The following MAST4 variants were observed in gnomAD, a reference collection of about 807,000 sequenced individuals.
MAST4 encodes the protein microtubule associated serine/threonine kinase family member 4, also known as microtubule-associated serine/threonine-protein kinase 4.
Under a neutral mutation model 162.7 loss-of-function variants are expected in MAST4, and 89 were observed. The observed-to-expected ratio is 0.55, with a 90% CI of 0.46 to 0.65. The LOEUF is 0.65. Ranked by LOEUF, MAST4 falls within the 30% of genes least tolerant of loss-of-function variation. MAST4 has a pLI of 0.00. For synonymous variants in MAST4, 1,479 were observed against 1,361.1 expected (o/e 1.09, Z -1.91); for missense variants, 3,153 against 3,374.0 (o/e 0.93, Z 1.62).
chr5:66,935,098 T>C (rs930980699), intron 4 of MAST4, among the ~76,000 whole-genome samples: 3 of 152,154 alleles, frequency 2.0e-5, no homozygotes, highest in African/African-American at 7.2e-5. Flanking sequence ...AGAGAGTGTA[T>C]CAAAAATGCT....
chr5:66,622,272 G>A (rs1252021962), intron 1 of MAST4, among the ~76,000 whole-genome samples: 3 of 152,166 alleles, frequency 2.0e-5, no homozygotes, highest in Admixed American at 6.5e-5. Flanking sequence ...CAAAGGCCCT[G>A]AGATGGAACA....
chr5:67,055,069 C>T (rs1198105154), intron 5 of MAST4, among the ~76,000 whole-genome samples: 1 of 150,794 alleles, frequency 6.6e-6, no homozygotes, highest in African/African-American at 2.4e-5. Flanking sequence ...AGGGTTAATT[C>T]CAATAAAGAA....
At chr5:66,613,299 T>G (rs1743418043) in intron 1 of MAST4, among the ~76,000 whole-genome samples, 1 of 150,670 alleles carries the variant, frequency 6.6e-6, no homozygotes, top group South Asian at 2.1e-4. Context: ...AAAGTATGTT[T>G]GATAAGAATT....
rs1362994321 is a variant in MAST4, at chr5:67,090,211, C to G, written c.813C>G (p.Ala271=). The G allele has an allele frequency of 6.2e-7, 1 of 1,612,882 alleles. No homozygotes were observed. The highest frequency in any genetic ancestry group is 2.2e-5 in the East Asian group (1 of 44,824). Residue 271 remains alanine, a synonymous_variant, in exon 6 of 29, where the codon GCC becomes GCG. Transcript: ENST00000403625. ...GAAATTTCTCCCCCAGTGCCTCAGC[C>G]CATTTTTCATTTGCACGGAGGTAAG... ...SPRNFSPSAS[A]HFSFARRTDG... is the part of the protein sequence containing the mutation.
chr5:66,708,793 A>G (rs955426631), intron 1 of MAST4, among the ~76,000 whole-genome samples: 3 of 152,174 alleles, frequency 2.0e-5, no homozygotes, highest in African/African-American at 7.2e-5. Flanking sequence ...TTTTCCATGC[A>G]TTACCTTTGA....
At chr5:66,971,004 G>C (rs1747363427) in intron 4 of MAST4, among the ~76,000 whole-genome samples, 1 of 152,162 alleles carries the variant, frequency 6.6e-6, no homozygotes, top group Non-Finnish European at 1.5e-5. Context: ...CCAATGTCTA[G>C]AAAGTGACCT....
intron 1 of MAST4, among the ~76,000 whole-genome samples, chr5:66,627,723 TAAAAA>T (rs11292285): frequency 6.8e-6 from 1 of 148,072 alleles, no homozygotes; most frequent in Non-Finnish European, 1.5e-5. Flanking sequence ...GTTTATCTGT[TAAAAA>T]AAAAAAGCTG....
At chr5:66,984,210 TGAA>T (rs1477681056) in intron 4 of MAST4, among the ~76,000 whole-genome samples, 1 of 152,142 alleles carries the variant, frequency 6.6e-6, no homozygotes, top group Non-Finnish European at 1.5e-5. Flanking sequence ...TCTTTCTTCC[TGAA>T]GGAGTGGCAT....
At chr5:67,030,821 A>T (rs182389287) in intron 4 of MAST4, among the ~76,000 whole-genome samples, 8 of 152,216 alleles carry the variant, frequency 5.3e-5, no homozygotes, top group Non-Finnish European at 1.0e-4. Context: ...CTCAAACGCT[A>T]TGTTTTTATT....
chr5:66,607,286 G>A (rs911903750), intron 1 of MAST4, among the ~76,000 whole-genome samples: 1 of 152,136 alleles, frequency 6.6e-6, no homozygotes, highest in Non-Finnish European at 1.5e-5. Context: ...TAGATTAAGC[G>A]TCTGTAGAAC....
rs1470044972 is a variant in MAST4, at chr5:67,166,119, G to A, written c.6940G>A (p.Glu2314Lys). 3.1e-6 allele frequency: 5 copies of A among 1,606,086 alleles called. No homozygotes were observed. The highest frequency in any genetic ancestry group is 1.7e-5 in the Admixed American group (1 of 58,670). The change falls in exon 29 of 29, where the codon GAG becomes AAG. Residue 2314 changes from glutamate (E) to lysine (K), a missense_variant. By Grantham distance (56) the Glu-to-Lys change is moderately conservative. Coordinates refer to ENST00000403625, the MANE Select transcript of MAST4 (RefSeq NM_001164664.2). ...LPRPGHPGPSEPADQKLSAVG... is the reference protein window; with the variant it reads ...LPRPGHPGPSKPADQKLSAVG... ...AAGGCCGGGACACCCAGGGCCTAGT[G>A]AGCCAGCGGACCAGAAACTGTCCGC...
In MAST4 at chr5:67,166,754, G is replaced by T. The variant is rs1009319613; in HGVS notation, c.7575G>T (p.Arg2525=). 6.3e-7 allele frequency: 1 copy of T among 1,596,044 alleles called. No individual in the cohort carries two copies. The change falls in exon 29 of 29, where the codon CGG becomes CGT. Residue 2525 remains arginine (R), a synonymous_variant. Transcript: ENST00000403625. Reference sequence around the variant, plus strand: ...AGAGTGACTCCCTGCCCTCCTTCCGGGTCTCCACCCTGCCTCTGGAGTCAC... The same window carrying T: ...AGAGTGACTCCCTGCCCTCCTTCCGTGTCTCCACCCTGCCTCTGGAGTCAC... ...MTKSDSLPSF[R]VSTLPLESHH...
chr5:67,132,746 TTAAG>T (rs1165815533), intron 16 of MAST4, among the ~76,000 whole-genome samples: 4 of 152,006 alleles, frequency 2.6e-5, no homozygotes, highest in African/African-American at 7.2e-5. Context: ...TATAAAGACT[TTAAG>T]TATGCTGAAA....
chr5:67,084,394 G>T (rs1462142383), intron 5 of MAST4, among the ~76,000 whole-genome samples: 1 of 152,144 alleles, frequency 6.6e-6, no homozygotes, highest in East Asian at 1.9e-4. Flanking sequence ...TTTGGAGTTG[G>T]ATATACACAT....
chr5:66,766,260 G>T (rs75598852), intron 2 of MAST4, among the ~76,000 whole-genome samples: 1 of 152,210 alleles, frequency 6.6e-6, no homozygotes, highest in Non-Finnish European at 1.5e-5. Flanking sequence ...TTTTCTCCAC[G>T]AAGAGAGTTG....
intron 1 of MAST4, among the ~76,000 whole-genome samples, chr5:66,700,790 TATATATATATAC>T (rs1175617873): frequency 2.8e-5 from 3 of 106,756 alleles, no homozygotes; most frequent in African/African-American, 1.1e-4. Context: ...ATTATATATA[TATATATATATAC>T]ACACACACAC....
intron 4 of MAST4, among the ~76,000 whole-genome samples, chr5:66,954,084 A>G (rs919627770): frequency 4.6e-5 from 7 of 152,090 alleles, no homozygotes; most frequent in African/African-American, 1.4e-4. Context: ...CCACCTTGTC[A>G]TATATATATG....
chr5:66,767,519 T>G (rs1159990609), intron 2 of MAST4, among the ~76,000 whole-genome samples: 1 of 151,964 alleles, frequency 6.6e-6, no homozygotes, highest in Non-Finnish European at 1.5e-5. Context: ...AAAGTCTCAT[T>G]GGATGGGACA....
At chr5:66,707,365 C>T (rs555165264) in intron 1 of MAST4, among the ~76,000 whole-genome samples, 12 of 152,220 alleles carry the variant, frequency 7.9e-5, no homozygotes, top group Admixed American at 5.2e-4. Context: ...GTTGGGCTGC[C>T]GTTCAGAGAA....
Sources: allele counts gnomAD v4.1 joint callset (sites outside exome capture counted in the v4.1 genomes callset), GRCh38; gene constraint gnomAD v4.1.1; transcripts MANE v1.5; gene names NCBI Gene and HGNC (gene_info 2026-07-23, HGNC 2026-07-21).